CFAP100: variants seen among roughly 807,000 people sequenced by gnomAD.
CFAP100 encodes cilia and flagella associated protein 100.
In CFAP100, 70 loss-of-function variants were observed where a neutral mutation model predicts 81.5. The ratio of observed to expected loss-of-function variants is 0.86; its 90% CI spans 0.71 to 1.05. The LOEUF is 1.05. CFAP100 is among the 50% of genes least tolerant of loss of function. CFAP100 has a pLI of 0.00. For synonymous variants in CFAP100, 341 were observed against 314.8 expected (o/e 1.08, Z -0.88); for missense variants, 811 against 776.5 (o/e 1.04, Z -0.53).
chr3:126,398,733 C>G (rs2082927238), intron 2 of CFAP100, among the ~76,000 whole-genome samples: 1 of 152,184 alleles, frequency 6.6e-6, no homozygotes, highest in Non-Finnish European at 1.5e-5. Context: ...GGCCTGGTGG[C>G]CTCGTGGGCA....
At chr3:126,422,264 C>A (rs1440558209) in intron 11 of CFAP100, among the ~76,000 whole-genome samples, 1 of 152,242 alleles carries the variant, frequency 6.6e-6, no homozygotes, top group Non-Finnish European at 1.5e-5. Flanking sequence ...GCCCTGCAGG[C>A]AGCCGGCTCT....
Position 126,436,335 on chromosome 3 carries a change from G to A in CFAP100, c.1767G>A (p.Arg589=). 6.2e-7 allele frequency: 1 copy of A among 1,614,094 alleles called. No individual in the cohort carries two copies. The highest frequency in any genetic ancestry group is 8.5e-7 in the Non-Finnish European group (1 of 1,179,964). The change falls in exon 17 of 17, where the codon AGG becomes AGA. Residue 589 remains arginine (R), a synonymous_variant. Transcript: ENST00000352312. ...LVCRSRPPAH[R]IKQQSEHTLM... is the part of the protein sequence containing the mutation. ...GCCGCTCACGACCCCCAGCCCACAGGATCAAACAACAGTCTGAGCACACAC... is the reference window on the plus strand; with the variant it reads ...GCCGCTCACGACCCCCAGCCCACAGAATCAAACAACAGTCTGAGCACACAC...
chr3:126,422,253 C>T (rs1469589794), intron 11 of CFAP100, among the ~76,000 whole-genome samples: 2 of 152,234 alleles, frequency 1.3e-5, no homozygotes, highest in African/African-American at 4.8e-5. Context: ...GGGCCAGCAG[C>T]GCCCTGCAGG....
chr3:126,433,324 A>T, intron 14 of CFAP100, 120 bp downstream of exon 14: 2 of 1,251,886 alleles, frequency 1.6e-6, no homozygotes, highest in Non-Finnish European at 2.3e-6. Context: ...AGTGCCCTGC[A>T]GCTGCCCTTG....
At chr3:126,420,684 T>C (rs1016043568) in intron 11 of CFAP100, 2 of 169,508 alleles carry the variant, frequency 1.2e-5, no homozygotes, top group South Asian at 1.5e-4. Context: ...TCTCCATGGA[T>C]TGATGGACCC....
rs764494925 is a variant in CFAP100, at chr3:126,416,500, T to C, written c.410T>C (p.Leu137Ser). 7 of 1,586,528 alleles carry C rather than the reference T, an allele frequency of 4.4e-6. No homozygotes were observed. In the African/African-American group the frequency reaches 5.4e-5, roughly 12 times the overall value. The change falls in exon 5 of 17, where the codon TTG becomes TCG. Residue 137 changes from leucine to serine, a missense_variant. By Grantham distance (145) the Leu-to-Ser change is moderately radical. Transcript: ENST00000352312. ...GACTACACGACCTGGAAGCTCACCTTGACCAAAGGTGCGTCCCCTCCGGCG... is the reference window on the plus strand; with the variant it reads ...GACTACACGACCTGGAAGCTCACCTCGACCAAAGGTGCGTCCCCTCCGGCG... ...FRDYTTWKLTLTKEKNVEPEN... is the reference protein window; with the variant it reads ...FRDYTTWKLTSTKEKNVEPEN...
At chr3:126,418,823 T>C (rs2083283977) in intron 7 of CFAP100, 49 bp downstream of exon 7, 1 of 1,524,026 alleles carries the variant, frequency 6.6e-7, no homozygotes, top group Admixed American at 2.3e-5. Flanking sequence ...GAACCCCCAC[T>C]GTCCCTGAGC....
chr3:126,423,609 G>A lies in CFAP100; in HGVS notation c.1251G>A (p.Glu417=), dbSNP rs771787452. The A allele has an allele frequency of 1.2e-6, 2 of 1,614,230 alleles. No individual in the cohort carries two copies. Among genetic ancestry groups the A allele is most frequent in the South Asian group, 2.2e-5 (2 of 91,084 alleles). Residue 417 remains glutamate (E), a synonymous_variant, in exon 13 of 17, where the codon GAG becomes GAA. Transcript: ENST00000352312. ...AGGAGACGGAGAAGACCCTGGAGGAGCTGAGCCACACCCTGAAACACACCC... is the reference window on the plus strand; with the variant it reads ...AGGAGACGGAGAAGACCCTGGAGGAACTGAGCCACACCCTGAAACACACCC... The part of the protein sequence containing the change: ...NSQETEKTLE[E]LSHTLKHTQI...
At chr3:126,395,534 T>C (rs1576607336) in intron 1 of CFAP100, 1 of 156,052 alleles carries the variant, frequency 6.4e-6, no homozygotes, top group East Asian at 1.9e-4. Flanking sequence ...GATAATCAGA[T>C]AGTGGGAATT....
chr3:126,419,245 T>C, intron 8 of CFAP100, 89 bp downstream of exon 8: 1 of 819,358 alleles, frequency 1.2e-6, no homozygotes, highest in Non-Finnish European at 1.9e-6. Context: ...TAGCACCATG[T>C]GAACCTCATG....
At chr3:126,399,891 T>C (rs1346194719) in intron 2 of CFAP100, among the ~76,000 whole-genome samples, 1 of 152,144 alleles carries the variant, frequency 6.6e-6, no homozygotes, top group Non-Finnish European at 1.5e-5. Flanking sequence ...TACAGCTTGC[T>C]GGTGCCAGGG....
intron 16 of CFAP100, among the ~76,000 whole-genome samples, 190 bp from the exon 17 acceptor site, chr3:126,436,101 C>G: frequency 6.6e-6 from 1 of 152,218 alleles, no homozygotes; most frequent in East Asian, 1.9e-4. Flanking sequence ...AGAGACCAGG[C>G]TTGATAAATG....
intron 11 of CFAP100, 24 bp downstream of exon 11, chr3:126,420,253 A>G (rs2083309134): frequency 1.2e-6 from 2 of 1,610,532 alleles, no homozygotes; most frequent in Admixed American, 3.3e-5. Flanking sequence ...GGTGGTTGGG[A>G]GGGGCTGAGG....
intron 5 of CFAP100, 137 bp from the exon 6 acceptor site, chr3:126,418,305 GACAAGAACACTACCTT>G: frequency 1.5e-6 from 1 of 646,358 alleles, no homozygotes. Flanking sequence ...GGAGACAGAG[GACAAGAACACTACCTT>G]CCATGGTCCC....
intron 2 of CFAP100, among the ~76,000 whole-genome samples, chr3:126,405,694 T>C (rs2083052231): frequency 6.9e-6 from 1 of 145,156 alleles, no homozygotes; most frequent in Non-Finnish European, 1.6e-5. Context: ...AAAATGTATA[T>C]AGGTAGCAAG....
chr3:126,402,357 C>T (rs1014388984), intron 2 of CFAP100, among the ~76,000 whole-genome samples: 5 of 152,160 alleles, frequency 3.3e-5, no homozygotes, highest in Admixed American at 6.6e-5. Flanking sequence ...GGGTGCACCA[C>T]GCAGGGCTGT....
At chr3:126,406,784 G>C (rs2083070435) in intron 2 of CFAP100, among the ~76,000 whole-genome samples, 1 of 152,188 alleles carries the variant, frequency 6.6e-6, no homozygotes, top group African/African-American at 2.4e-5. Context: ...AAGTCCAGCA[G>C]GAAGCCCCTG....
At chr3:126,423,985 C>A (rs929889924) in intron 13 of CFAP100, among the ~76,000 whole-genome samples, 1 of 152,206 alleles carries the variant, frequency 6.6e-6, no homozygotes, top group Admixed American at 6.5e-5. Flanking sequence ...GCGACCCTGA[C>A]CCCCCAGTTC....
chr3:126,427,730 A>G (rs1008605716), intron 13 of CFAP100, among the ~76,000 whole-genome samples: 32 of 152,146 alleles, frequency 2.1e-4, no homozygotes, highest in African/African-American at 7.5e-4. Context: ...AGGTGTTGTT[A>G]GTGTTTTGGA....
Sources: gnomAD v4.1 joint callset for allele counts (sites outside exome capture counted in the v4.1 genomes callset) on GRCh38, gnomAD v4.1.1 for gene constraint, MANE v1.5 for transcripts, NCBI Gene and HGNC (gene_info 2026-07-23, HGNC 2026-07-21) for gene names.